Variants in NRG2 observed in about 807,000 individuals in gnomAD.
The protein encoded by NRG2 is neuregulin 2, also known as pro-neuregulin-2, membrane-bound isoform.
NRG2 carries 27 observed loss-of-function variants against 73.9 expected under a neutral mutation model. The ratio of observed to expected loss-of-function variants is 0.37; its 90% CI spans 0.27 to 0.50. The LOEUF (loss-of-function observed/expected upper bound fraction) is 0.50, where lower values mean the gene tolerates loss of function less well. Among genes scored for constraint, NRG2 ranks in the 20% least tolerant of loss-of-function variants. The probability of loss-of-function intolerance (pLI) is 0.96; values close to 1 mark genes in which losing one functional copy is unlikely to be tolerated. For missense variants in NRG2, 1,126 were observed against 1,210.1 expected (o/e 0.93, Z 1.03); for synonymous variants, 532 against 541.0 (o/e 0.98, Z 0.23).
chr5:139,968,376 AG>A (rs1755710684), intron 1 of NRG2, among the ~76,000 whole-genome samples: 1 of 152,302 alleles, frequency 6.6e-6, no homozygotes, highest in Non-Finnish European at 1.5e-5. Context: ...CGGAGCCTCA[AG>A]GGGGCCTAGT....
chr5:140,000,361 C>G (rs1296038443), intron 1 of NRG2, among the ~76,000 whole-genome samples: 1 of 152,228 alleles, frequency 6.6e-6, no homozygotes, highest in East Asian at 1.9e-4. Flanking sequence ...AGCTTTTGCA[C>G]TACCCTTCCA....
intron 1 of NRG2, among the ~76,000 whole-genome samples, chr5:139,993,116 G>A (rs1194397659): frequency 1.3e-5 from 2 of 152,008 alleles, no homozygotes; most frequent in South Asian, 4.1e-4. Context: ...TGTGTGTGGT[G>A]TGTGTGTGGT....
At position 139,851,585 on chromosome 5, in the gene NRG2, T is replaced by A; in HGVS notation, c.1772+19A>T. ...GCCCTCTGGCTAAGCGGGGAATAGG[T>A]CAGGGGGTAGGAACTGACCTCTCGC... On this transcript the variant is annotated intron_variant, in intron 9 of 9. Transcript: ENST00000361474. The surrounding 1 kb of genome is among the most constrained non-coding windows in gnomAD (Gnocchi z 4.2). 5.6e-6 allele frequency: 9 copies of A among 1,611,664 alleles called. No individual in the cohort carries two copies. The highest frequency in any genetic ancestry group is 7.6e-6 in the Non-Finnish European group (9 of 1,178,398).
At chr5:139,997,164 A>T (rs1472937902) in intron 1 of NRG2, among the ~76,000 whole-genome samples, 8 of 152,206 alleles carry the variant, frequency 5.3e-5, no homozygotes, top group East Asian at 1.9e-4. Flanking sequence ...AATAAATAAA[A>T]AATGGAAATA....
chr5:140,034,151 A>G (rs1761343475), intron 1 of NRG2, among the ~76,000 whole-genome samples: 1 of 152,144 alleles, frequency 6.6e-6, no homozygotes, highest in Admixed American at 6.6e-5. Flanking sequence ...TAATACAGAT[A>G]GGATTTAACC....
chr5:139,880,884 G>A lies in NRG2; in HGVS notation c.963C>T (p.Thr321=), dbSNP rs757530335. The change falls in exon 3 of 10, where the codon ACC becomes ACT. Residue 321 remains threonine (T), a synonymous_variant. Transcript: ENST00000361474. ...TGTTGACGTAAAGCCGGCCCCGGACGGTGTCCTTCCCCAGGATGTTCTCGG... is the reference window on the plus strand; with the variant it reads ...TGTTGACGTAAAGCCGGCCCCGGACAGTGTCCTTCCCCAGGATGTTCTCGG... ...CEAENILGKD[T]VRGRLYVNSV... is the part of the protein sequence containing the mutation. 12 of 1,613,960 alleles carry A rather than the reference G, an allele frequency of 7.4e-6. No homozygotes were observed. Among genetic ancestry groups the A allele is most frequent in the South Asian group, 4.4e-5 (4 of 91,088 alleles).
At chr5:140,029,921 C>T (rs1015111679) in intron 1 of NRG2, among the ~76,000 whole-genome samples, 4 of 151,960 alleles carry the variant, frequency 2.6e-5, no homozygotes, top group African/African-American at 9.7e-5. Flanking sequence ...CCTGGAGGAA[C>T]CCATGGCAGG....
At chr5:139,892,883 C>G (rs1428755035) in intron 1 of NRG2, among the ~76,000 whole-genome samples, 1 of 152,198 alleles carries the variant, frequency 6.6e-6, no homozygotes, top group Non-Finnish European at 1.5e-5. Flanking sequence ...AGCACCTCTC[C>G]TTTCCCCTGT....
intron 1 of NRG2, among the ~76,000 whole-genome samples, chr5:140,026,039 C>T (rs1760661165): frequency 6.6e-6 from 1 of 151,938 alleles, no homozygotes; most frequent in Non-Finnish European, 1.5e-5. Flanking sequence ...TCAGCTAAGC[C>T]CAGAAGGAAG....
chr5:140,026,893 T>G (rs1447763604), intron 1 of NRG2, among the ~76,000 whole-genome samples: 2 of 152,180 alleles, frequency 1.3e-5, no homozygotes, highest in Non-Finnish European at 2.9e-5. Flanking sequence ...TGAGAATTTT[T>G]GAATTATATC....
intron 5 of NRG2, among the ~76,000 whole-genome samples, chr5:139,864,008 A>G (rs1021903318): frequency 2.6e-5 from 4 of 152,262 alleles, no homozygotes; most frequent in East Asian, 1.9e-4. Context: ...GGCTACCTAC[A>G]TGGTCCCCTG....
At chr5:139,968,476 A>G (rs1755719427) in intron 1 of NRG2, among the ~76,000 whole-genome samples, 1 of 152,164 alleles carries the variant, frequency 6.6e-6, no homozygotes, top group African/African-American at 2.4e-5. Flanking sequence ...CCTGGACTTC[A>G]TCTTGTTTGT....
At chr5:139,882,876 G>A (rs1239474651) in intron 2 of NRG2, among the ~76,000 whole-genome samples, 1 of 152,120 alleles carries the variant, frequency 6.6e-6, no homozygotes, top group African/African-American at 2.4e-5. Context: ...GCAGGCACAG[G>A]TCTCTAGGAG....
chr5:139,917,336 T>C (rs56186941), intron 1 of NRG2, among the ~76,000 whole-genome samples: 3,117 of 152,270 alleles, frequency 0.02, 110 homozygotes, highest in African/African-American at 0.071. Context: ...ACTGCAGCCT[T>C]GACCTCCCGG....
chr5:139,991,997 C>T (rs1041217831), intron 1 of NRG2, among the ~76,000 whole-genome samples: 2 of 151,982 alleles, frequency 1.3e-5, no homozygotes, highest in Non-Finnish European at 2.9e-5. Flanking sequence ...CAAATCTTCT[C>T]TCCCTACTTT....
intron 1 of NRG2, among the ~76,000 whole-genome samples, chr5:139,965,094 T>C (rs1312738382): frequency 2.0e-5 from 3 of 152,196 alleles, no homozygotes; most frequent in African/African-American, 7.2e-5. Flanking sequence ...ACCACCACCT[T>C]GTTAACCCCT....
At chr5:139,967,256 T>G (rs551961550) in intron 1 of NRG2, among the ~76,000 whole-genome samples, 1 of 152,330 alleles carries the variant, frequency 6.6e-6, no homozygotes, top group African/African-American at 2.4e-5. Context: ...CAGGGACTAT[T>G]ACCTTGTATC....
chr5:139,983,767 G>A (rs946447560), intron 1 of NRG2, among the ~76,000 whole-genome samples: 1 of 152,042 alleles, frequency 6.6e-6, no homozygotes, highest in South Asian at 2.1e-4. Flanking sequence ...AGATATATAG[G>A]GTATTGACTG....
At chr5:139,978,588 T>A (rs1756550534) in intron 1 of NRG2, among the ~76,000 whole-genome samples, 1 of 152,236 alleles carries the variant, frequency 6.6e-6, no homozygotes, top group Admixed American at 6.5e-5. Flanking sequence ...CGCCATCCCA[T>A]TACTGGGTAT....
Sources: allele counts gnomAD v4.1 joint callset (sites outside exome capture counted in the v4.1 genomes callset), GRCh38; gene constraint gnomAD v4.1.1; non-coding constraint Gnocchi (gnomAD v3.1); transcripts MANE v1.5; gene names NCBI Gene and HGNC (gene_info 2026-07-23, HGNC 2026-07-21).